SHANK1: variants seen among roughly 807,000 people sequenced by gnomAD.
The protein encoded by SHANK1 is SH3 and multiple ankyrin repeat domains protein 1.
A neutral mutation model predicts 165.6 loss-of-function variants in SHANK1; 35 were observed. That is an observed-to-expected ratio of 0.21 (90% CI 0.16 to 0.28). SHANK1 has a LOEUF of 0.28. Ranked by LOEUF, SHANK1 falls within the 10% of genes least tolerant of loss-of-function variation. SHANK1 has a pLI of 1.00. For synonymous variants in SHANK1, 1,428 were observed against 1,384.8 expected (o/e 1.03, Z -0.69); for missense variants, 2,681 against 3,036.4 (o/e 0.88, Z 2.75).
chr19:50,711,229 G>C lies in SHANK1; in HGVS notation c.1077+142C>G, dbSNP rs2089005786. On this transcript the variant is annotated intron_variant, in intron 8 of 23. Transcript: ENST00000293441. ...GGATGGATGGATGGAGGAATGAATGGAGGAATGACTGGATGAAAGGGTGGA... is the reference window on the plus strand; with the variant it reads ...GGATGGATGGATGGAGGAATGAATGCAGGAATGACTGGATGAAAGGGTGGA... The C allele has an allele frequency of 8.2e-6, 5 of 608,562 alleles. No homozygotes were observed. The East Asian group carries it at 1.4e-4, about 17-fold the overall frequency. 37.7% of individuals were successfully genotyped at this position (608,562 alleles called of 1,614,324 possible).
Position 50,716,031 on chromosome 19 carries a change from G to A in SHANK1, c.459+244C>T, listed in dbSNP as rs891836677. Reference sequence around the variant, plus strand: ...GTAATTGGGAATCCTCCCCCAATTTGATGGGTGAGGAGAAGCTTGGGGCAG... The same window carrying A: ...GTAATTGGGAATCCTCCCCCAATTTAATGGGTGAGGAGAAGCTTGGGGCAG... On this transcript the variant is annotated intron_variant, in intron 3 of 23. Coordinates refer to ENST00000293441, the MANE Select transcript of SHANK1 (RefSeq NM_016148.5). This position sits in a 1 kb window ranked among gnomAD's most constrained non-coding sequence, Gnocchi z 8.4. 6.6e-6 allele frequency among the ~76,000 whole-genome samples: 1 copy of A among 152,198 alleles called. No individual in the cohort carries two copies. The highest frequency in any genetic ancestry group is 1.5e-5 in the Non-Finnish European group (1 of 68,036).
At chr19:50,704,330 G>T in intron 9 of SHANK1, 107 bp downstream of exon 9, 1 of 1,323,994 alleles carries the variant, frequency 7.6e-7, no homozygotes, top group Non-Finnish European at 1.1e-6. Context: ...CCCCCTCCAC[G>T]GCCTGTCTCC....
At chr19:50,682,544 A>G (rs1986211595) in intron 21 of SHANK1, among the ~76,000 whole-genome samples, 2 of 152,206 alleles carry the variant, frequency 1.3e-5, no homozygotes, top group African/African-American at 4.8e-5. Flanking sequence ...AGAGGAAGTC[A>G]GGATTTGCAT....
chr19:50,680,671 C>CTTTTT, intron 21 of SHANK1, among the ~76,000 whole-genome samples: 1 of 144,524 alleles, frequency 6.9e-6, no homozygotes. Context: ...TTTTTTTTTC[C>CTTTTT]CCGAGACAGA....
In SHANK1 at chr19:50,660,527, AAAAT is replaced by A. The variant is rs142242550; in HGVS notation, c.*1434_*1437del. 0.011 allele frequency among the ~76,000 whole-genome samples: 1,669 copies of A among 152,168 alleles called. 25 individuals are homozygous for A. Among genetic ancestry groups the A allele is most frequent in the African/African-American group, 0.038 (1,575 of 41,486 alleles). ...AAGAGCTGCTTGTCAACAGGAATAA[AAAAT>A]AAGCGTGTCAGGAAAAGAAATGACA... On this transcript the variant is annotated 3_prime_UTR_variant, in exon 24 of 24. Coordinates refer to ENST00000293441, the MANE Select transcript of SHANK1 (RefSeq NM_016148.5).
chr19:50,688,190 G>A lies in SHANK1; in HGVS notation c.2173-132C>T, dbSNP rs538311858. 30 of 1,126,644 alleles carry A rather than the reference G, an allele frequency of 2.7e-5. No homozygotes were observed. The East Asian group carries it at 3.4e-4, about 13-fold the overall frequency. The allele number at this position is 1,126,644 out of a possible 1,614,324, so 69.8% of individuals were successfully genotyped here. ...CTCTGGGCTATGTTCCTCTCCCTCC[G>A]ACCCTTCATACCACCGCCTCCCTGG... is the stretch of plus-strand genomic sequence containing the variant. On this transcript the variant is annotated intron_variant, in intron 17 of 23. Transcript: ENST00000293441. This position sits in a 1 kb window ranked among gnomAD's most constrained non-coding sequence, Gnocchi z 6.7.
intron 15 of SHANK1, among the ~76,000 whole-genome samples, chr19:50,692,027 T>G (rs138085922): frequency 3.9e-5 from 6 of 152,088 alleles, no homozygotes; most frequent in African/African-American, 1.4e-4. Flanking sequence ...CACAGAAAGG[T>G]TAAGTAACTT....
intron 19 of SHANK1, 55 bp downstream of exon 19, chr19:50,687,527 G>T: frequency 7.2e-7 from 1 of 1,385,156 alleles, no homozygotes; most frequent in Non-Finnish European, 9.9e-7. Context: ...GGATGGTCCA[G>T]CCCTCCTTCC....
chr19:50,686,899 C>A lies in SHANK1; in HGVS notation c.2390-87G>T. 2.0e-6 allele frequency: 3 copies of A among 1,503,802 alleles called. No homozygotes were observed. The highest frequency in any genetic ancestry group is 1.8e-6 in the Non-Finnish European group (2 of 1,107,012). 93.2% of individuals were successfully genotyped at this position (1,503,802 alleles called of 1,614,324 possible). On this transcript the variant is annotated intron_variant, in intron 19 of 23. Coordinates refer to ENST00000293441, the MANE Select transcript of SHANK1 (RefSeq NM_016148.5). The surrounding 1 kb of genome is among the most constrained non-coding windows in gnomAD (Gnocchi z 5.7). ...GGCCTGTGGGCGTGGCCAGCAGGTG[C>A]GGGCCAGTGGGCGTGGCGGGCGCGA...
chr19:50,685,900 CG>C (rs774417037), intron 21 of SHANK1, among the ~76,000 whole-genome samples: 3 of 152,028 alleles, frequency 2.0e-5, no homozygotes, highest in Non-Finnish European at 4.4e-5. Context: ...ATTATTATGC[CG>C]GGGAATCTCC....
At chr19:50,675,996 A>C (rs1985967027) in intron 21 of SHANK1, among the ~76,000 whole-genome samples, 1 of 151,942 alleles carries the variant, frequency 6.6e-6, no homozygotes, top group Non-Finnish European at 1.5e-5. Flanking sequence ...ACTTCATCTA[A>C]AATAAAATAG....
chr19:50,677,608 C>G (rs188944913), intron 21 of SHANK1, among the ~76,000 whole-genome samples: 1 of 152,284 alleles, frequency 6.6e-6, no homozygotes, highest in East Asian at 1.9e-4. Flanking sequence ...GAGAGCCCAG[C>G]AGCAGGTCCA....
In SHANK1 at chr19:50,662,105, G is replaced by C. The variant is rs1193703244; in HGVS notation, c.6346C>G (p.Arg2116Gly). The change falls in exon 24 of 24, where the codon CGA (arginine) becomes GGA (glycine). Residue 2116 changes from arginine to glycine, a missense_variant. Arg to Gly is a moderately radical substitution (Grantham distance 125, BLOSUM62 -2). Around this residue, in one of 10 missense-constraint regions of SHANK1, gnomAD observed 49 missense variants for 94.2 expected, o/e 0.52. Coordinates refer to ENST00000293441, the MANE Select transcript of SHANK1 (RefSeq NM_016148.5). This position sits in a 1 kb window ranked among gnomAD's most constrained non-coding sequence, Gnocchi z 7.7. The part of the protein sequence containing the change: ...WLEWLGLAEH[R>G]AQFLDHEIDG... ...ATCTCGTGGTCCAGGAACTGGGCTC[G>C]GTGCTCCGCCAAACCCAGCCACTCC... The C allele has an allele frequency of 3.1e-6, 5 of 1,614,176 alleles. No homozygotes were observed. Among genetic ancestry groups the C allele is most frequent in the Admixed American group, 3.3e-5 (2 of 60,018 alleles).
At chr19:50,706,438 C>T (rs1372392462) in intron 8 of SHANK1, among the ~76,000 whole-genome samples, 1 of 152,068 alleles carries the variant, frequency 6.6e-6, no homozygotes. Context: ...CATGCCACGG[C>T]CTAGGAGGGT....
rs185811894 is a variant in SHANK1, at chr19:50,703,685, G to A, written c.1368C>T (p.Ala456=). The A allele has an allele frequency of 8.1e-4, 1,188 of 1,468,300 alleles. 2 individuals carry two copies. The highest frequency in any genetic ancestry group is 9.9e-4 in the Non-Finnish European group (1,104 of 1,112,270). 91.0% of individuals were successfully genotyped at this position (1,468,300 alleles called of 1,614,324 possible). Residue 456 remains alanine (A), a synonymous_variant, in exon 11 of 24, where the codon GCC becomes GCT. Transcript: ENST00000293441. ...TAGGGCCAGGGGCCCCAGAGGACGC[G>A]GCCCCCGGGGCGGAGAACACCATCC... ...PDWMVFSAPG[A]ASSGAPGPTS...
rs1472763954 is a variant in SHANK1, at chr19:50,713,229, G to A, written c.792+569C>T. ...TCCTGGCGGGGGCAGGGGGAGAAGA[G>A]TATTTTAAAATTAGACTGTGCAGCT... On this transcript the variant is annotated intron_variant, in intron 6 of 23. Coordinates refer to ENST00000293441, the MANE Select transcript of SHANK1 (RefSeq NM_016148.5). This position sits in a 1 kb window ranked among gnomAD's most constrained non-coding sequence, Gnocchi z 6.2. Among the ~76,000 whole-genome samples the A allele has an allele frequency of 6.6e-6, 1 of 152,160 alleles. No individual in the cohort carries two copies. The highest frequency in any genetic ancestry group is 1.5e-5 in the Non-Finnish European group (1 of 68,036).
In SHANK1 at chr19:50,718,418, G is replaced by T. The variant is rs1250852674; in HGVS notation, c.-44+988C>A. Among the ~76,000 whole-genome samples the T allele has an allele frequency of 6.6e-6, 1 of 152,154 alleles. No individual in the cohort carries two copies. The highest frequency in any genetic ancestry group is 2.4e-5 in the African/African-American group (1 of 41,444). ...CCCCCAGCCTCAACCCCGCTCGGAG[G>T]GGGTGGCCGGTGGGATGAAAGAAAA... is the stretch of plus-strand genomic sequence containing the variant. On this transcript the variant is annotated intron_variant, in intron 1 of 23. Coordinates refer to ENST00000293441, the MANE Select transcript of SHANK1 (RefSeq NM_016148.5). The surrounding 1 kb of genome is among the most constrained non-coding windows in gnomAD (Gnocchi z 5.1).
rs1985096271 is a variant in SHANK1, at chr19:50,659,424, G to A, written c.*2541C>T. ...TAATCTTCCTCCAGTCCCTGTACGT[G>A]GACGCCTGGGTCCCAATCCCTTGAG... On this transcript the variant is annotated 3_prime_UTR_variant, in exon 24 of 24. Coordinates refer to ENST00000293441, the MANE Select transcript of SHANK1 (RefSeq NM_016148.5). The A allele has an allele frequency of 3.7e-6, 1 of 269,358 alleles. No individual in the cohort carries two copies. The allele number at this position is 269,358 out of a possible 1,614,324, so 16.7% of individuals were successfully genotyped here. A position where few individuals can be genotyped will look rare whatever the true frequency, so the allele number is the denominator to read the frequency against.
In SHANK1 at chr19:50,668,738, G is replaced by GCCGCCC; in HGVS notation, c.3216_3221dup (p.Gly1074_Gly1075dup). On this transcript the variant is annotated inframe_insertion, in exon 23 of 24. Coordinates refer to ENST00000293441, the MANE Select transcript of SHANK1 (RefSeq NM_016148.5). Reference sequence around the variant, plus strand: ...GTAGAGCCGGGCCCTGGGAGGAGCCGCCGCCCCCGCCCGCGCTGCCGTGGT... The same window carrying GCCGCCC: ...GTAGAGCCGGGCCCTGGGAGGAGCCGCCGCCCCCGCCCCCGCCCGCGCTGCCGTGGT... 3.9e-6 allele frequency: 5 copies of GCCGCCC among 1,275,084 alleles called. No individual in the cohort carries two copies. In the South Asian group the frequency reaches 1.2e-4, roughly 30 times the overall value. 79.0% of individuals were successfully genotyped at this position (1,275,084 alleles called of 1,614,324 possible).
Sources: gnomAD v4.1 joint callset for allele counts (sites outside exome capture counted in the v4.1 genomes callset) on GRCh38, gnomAD v4.1.1 for gene constraint, gnomAD v4.1.1 regional missense constraint, Gnocchi (gnomAD v3.1) non-coding constraint, MANE v1.5 for transcripts, NCBI Gene and HGNC (gene_info 2026-07-23, HGNC 2026-07-21) for gene names.